The following MED13L variants were observed in gnomAD, a reference collection of about 807,000 sequenced individuals.
The protein encoded by MED13L is mediator of RNA polymerase II transcription subunit 13-like.
A neutral mutation model predicts 220.9 loss-of-function variants in MED13L; 7 were observed. The observed-to-expected ratio is 0.03, with a 90% CI of 0.02 to 0.06. The LOEUF is 0.06. MED13L is among the 10% of genes least tolerant of loss of function. The pLI, the probability that MED13L is intolerant of heterozygous loss-of-function variation, is 1.00. For missense variants in MED13L, 1,965 were observed against 2,760.5 expected, an observed-to-expected ratio of 0.71 and a Z score of 6.46; for synonymous variants, 1,011 against 1,015.2, an observed-to-expected ratio of 1.00 and a Z score of 0.08.
At chr12:116,244,849 C>T (rs551742174) in intron 1 of MED13L, among the ~76,000 whole-genome samples, 3 of 152,188 alleles carry the variant, frequency 2.0e-5, no homozygotes, top group South Asian at 4.1e-4. Flanking sequence ...CTACTAGGGA[C>T]GCTAAAGTGA....
At chr12:116,102,611 C>T (rs1873149144) in intron 3 of MED13L, among the ~76,000 whole-genome samples, 1 of 151,644 alleles carries the variant, frequency 6.6e-6, no homozygotes, top group Non-Finnish European at 1.5e-5. Flanking sequence ...AATTACAATG[C>T]TCCCAATCCC....
chr12:115,964,906 C>T (rs1355365088), intron 29 of MED13L, among the ~76,000 whole-genome samples: 2 of 152,138 alleles, frequency 1.3e-5, no homozygotes, highest in East Asian at 3.8e-4. Flanking sequence ...GTGTTTATTG[C>T]TGCTAAGCTT....
At chr12:116,231,361 A>T (rs1158247234) in intron 2 of MED13L, among the ~76,000 whole-genome samples, 1 of 152,204 alleles carries the variant, frequency 6.6e-6, no homozygotes, top group Non-Finnish European at 1.5e-5. Context: ...AAAGGACACA[A>T]CATCACCTAC....
Position 116,085,944 on chromosome 12 carries a change from A to G in MED13L, c.479+10725T>C, listed in dbSNP as rs543366680. On this transcript the variant is annotated intron_variant, in intron 4 of 30. Transcript: ENST00000281928. ...AGACAGAGTGGGTGGGAGAGAAAGAATATGAACAATGAGAAAATGAGTTTA... is the reference window on the plus strand; with the variant it reads ...AGACAGAGTGGGTGGGAGAGAAAGAGTATGAACAATGAGAAAATGAGTTTA... Among the ~76,000 whole-genome samples, 16 of 152,310 alleles carry G rather than the reference A, an allele frequency of 1.1e-4. No homozygotes were observed. The South Asian group carries it at 2.7e-3, about 26-fold the overall frequency.
intron 2 of MED13L, among the ~76,000 whole-genome samples, chr12:116,179,236 T>C (rs1485915526): frequency 4.0e-5 from 6 of 148,968 alleles, no homozygotes; most frequent in South Asian, 2.1e-4. Flanking sequence ...TGTGTGTGTG[T>C]ACACAATTTT....
At chr12:116,187,585 T>C (rs563336305) in intron 2 of MED13L, among the ~76,000 whole-genome samples, 1 of 152,196 alleles carries the variant, frequency 6.6e-6, no homozygotes, top group Non-Finnish European at 1.5e-5. Context: ...TATCAGGTTT[T>C]CTCTAACATG....
At chr12:116,131,093 C>T (rs1210757754) in intron 2 of MED13L, among the ~76,000 whole-genome samples, 2 of 152,010 alleles carry the variant, frequency 1.3e-5, no homozygotes, top group Non-Finnish European at 2.9e-5. Context: ...TTACAACAAC[C>T]AAAAAATGTC....
intron 4 of MED13L, among the ~76,000 whole-genome samples, chr12:116,072,694 G>A (rs377053508): frequency 2.4e-4 from 36 of 152,146 alleles, no homozygotes; most frequent in East Asian, 9.7e-4. Context: ...TTAAGCCACC[G>A]TGCCAGGCCC....
intron 2 of MED13L, among the ~76,000 whole-genome samples, chr12:116,157,211 A>G (rs1208484601): frequency 2.0e-5 from 3 of 152,196 alleles, no homozygotes; most frequent in Non-Finnish European, 2.9e-5. Flanking sequence ...TATGCCTTTC[A>G]TAATATTCAC....
intron 4 of MED13L, among the ~76,000 whole-genome samples, chr12:116,049,963 G>A (rs548402528): frequency 5.9e-5 from 9 of 152,280 alleles, no homozygotes; most frequent in South Asian, 2.1e-4. Context: ...TATGTACTAC[G>A]TTGCAATGTA....
intron 2 of MED13L, among the ~76,000 whole-genome samples, chr12:116,113,390 AT>A (rs1158750358): frequency 2.0e-5 from 3 of 151,174 alleles, no homozygotes; most frequent in African/African-American, 7.3e-5. Context: ...TAATCCCAAC[AT>A]TTTGCAAGGC....
chr12:116,147,294 C>T (rs967323829), intron 2 of MED13L, among the ~76,000 whole-genome samples: 1 of 152,136 alleles, frequency 6.6e-6, no homozygotes, highest in Non-Finnish European at 1.5e-5. Flanking sequence ...AATATTAACA[C>T]CTGACTTTAC....
chr12:116,097,159 T>C (rs1872698074), intron 3 of MED13L, among the ~76,000 whole-genome samples: 1 of 152,104 alleles, frequency 6.6e-6, no homozygotes, highest in African/African-American at 2.4e-5. Flanking sequence ...TTTCAAGTTT[T>C]TTTTTTTTGA....
intron 2 of MED13L, among the ~76,000 whole-genome samples, chr12:116,208,460 A>G (rs1238355160): frequency 6.6e-6 from 1 of 152,238 alleles, no homozygotes; most frequent in Non-Finnish European, 1.5e-5. Context: ...CGAGTTCACG[A>G]TAATATTCAA....
At chr12:116,124,824 T>A (rs1252713736) in intron 2 of MED13L, among the ~76,000 whole-genome samples, 3 of 152,226 alleles carry the variant, frequency 2.0e-5, no homozygotes, top group Non-Finnish European at 4.4e-5. Flanking sequence ...CACCTTTCCA[T>A]ACACACAAAT....
chr12:116,006,105 G>A (rs1316503681), intron 12 of MED13L, 112 bp from the exon 13 acceptor site: 1 of 1,477,972 alleles, frequency 6.8e-7, no homozygotes, highest in Non-Finnish European at 9.3e-7. Context: ...TTTTCCCTAT[G>A]GTTTTAGTTA....
intron 2 of MED13L, among the ~76,000 whole-genome samples, chr12:116,139,948 C>T (rs1052797276): frequency 1.8e-4 from 15 of 83,936 alleles, no homozygotes; most frequent in African/African-American, 6.2e-4. Context: ...GCAGCCTGGG[C>T]AACAAAACCA....
chr12:116,142,239 G>A (rs2138052814), intron 2 of MED13L, among the ~76,000 whole-genome samples: 1 of 152,202 alleles, frequency 6.6e-6, no homozygotes, highest in South Asian at 2.1e-4. Context: ...AAATCCACAG[G>A]AACCAAGATT....
At chr12:116,276,070 G>A (rs1179392355) in intron 1 of MED13L, among the ~76,000 whole-genome samples, 1 of 152,158 alleles carries the variant, frequency 6.6e-6, no homozygotes, top group East Asian at 1.9e-4. Flanking sequence ...ACCACCAAAT[G>A]TCACTGACAC....
Sources: gnomAD v4.1 joint callset for allele counts (sites outside exome capture counted in the v4.1 genomes callset) on GRCh38, gnomAD v4.1.1 for gene constraint, MANE v1.5 for transcripts, NCBI Gene and HGNC (gene_info 2026-07-23, HGNC 2026-07-21) for gene names.